Variants in TBX15 observed in about 807,000 individuals in gnomAD.
TBX15 encodes T-box transcription factor TBX15.
TBX15 carries 18 observed loss-of-function variants against 53.9 expected under a neutral mutation model. The ratio of observed to expected loss-of-function variants is 0.33; its 90% CI spans 0.23 to 0.49. TBX15 has a LOEUF of 0.49. Among genes scored for constraint, TBX15 ranks in the 20% least tolerant of loss-of-function variants. The probability of loss-of-function intolerance (pLI) is 0.98; values close to 1 mark genes in which losing one functional copy is unlikely to be tolerated. For synonymous variants in TBX15, 295 were observed against 278.0 expected, an observed-to-expected ratio of 1.06 and a Z score of -0.61; for missense variants, 692 against 749.5, an observed-to-expected ratio of 0.92 and a Z score of 0.90.
intron 1 of TBX15, 101 bp from the exon 2 acceptor site, chr1:118,931,933 G>C (rs921845452): frequency 1.7e-6 from 2 of 1,176,940 alleles, no homozygotes; most frequent in African/African-American, 1.5e-5. Context: ...GTGGGGAGAG[G>C]GGTAAACAAA....
At chr1:118,917,829 C>T (rs1655297115) in intron 5 of TBX15, among the ~76,000 whole-genome samples, 1 of 152,146 alleles carries the variant, frequency 6.6e-6, no homozygotes, top group African/African-American at 2.4e-5. Context: ...CACTACCGCT[C>T]AGAATTTAAT....
intron 3 of TBX15, among the ~76,000 whole-genome samples, chr1:118,925,554 T>A (rs1181720084): frequency 1.3e-5 from 2 of 152,214 alleles, no homozygotes; most frequent in African/African-American, 2.4e-5. Context: ...ACTTTGCCAA[T>A]TTTCTCATAG....
intron 1 of TBX15, among the ~76,000 whole-genome samples, chr1:118,952,602 G>A (rs138558506): frequency 2.9e-4 from 44 of 152,222 alleles, no homozygotes; most frequent in African/African-American, 1.0e-3. Context: ...AGTTCCCGAT[G>A]TCTAATCCCT....
upstream of TBX15, chr1:118,989,491 C>G (rs1234393884): frequency 1.3e-5 from 2 of 152,172 alleles, no homozygotes; most frequent in Non-Finnish European, 2.9e-5. Flanking sequence ...CTAGACACAG[C>G]CCGATCTTCC....
chr1:118,922,964 G>A (rs1779435), intron 5 of TBX15, among the ~76,000 whole-genome samples: 137,528 of 151,994 alleles, frequency 0.9, 62,478 homozygotes, highest in African/African-American at 0.98. Context: ...GTATTCTTAG[G>A]AAAGTCTATA....
At chr1:118,942,032 C>T (rs1291910958) in intron 1 of TBX15, among the ~76,000 whole-genome samples, 1 of 152,114 alleles carries the variant, frequency 6.6e-6, no homozygotes, top group African/African-American at 2.4e-5. Context: ...TCCAGACATA[C>T]GAATGCTAAT....
intron 5 of TBX15, among the ~76,000 whole-genome samples, chr1:118,914,879 A>C (rs1655148396): frequency 6.6e-6 from 1 of 152,190 alleles, no homozygotes; most frequent in South Asian, 2.1e-4. Flanking sequence ...ATCAGAAACA[A>C]AGAGCCAGTT....
chr1:118,914,008 G>C (rs945162576), intron 6 of TBX15, 107 bp downstream of exon 6: 1 of 1,083,990 alleles, frequency 9.2e-7, no homozygotes. Context: ...ACACAGTGGC[G>C]GAGCATACAG....
At position 118,987,932 on chromosome 1, in the gene TBX15, G is replaced by C. The variant is rs932554782; in HGVS notation, c.-137C>G. 58 of 1,086,970 alleles carry C rather than the reference G, an allele frequency of 5.3e-5. No homozygotes were observed. Among genetic ancestry groups the C allele is most frequent in the Admixed American group, 9.5e-5 (4 of 41,886 alleles). The allele number at this position is 1,086,970 out of a possible 1,614,324, so 67.3% of individuals were successfully genotyped here. A position where few individuals can be genotyped will look rare whatever the true frequency, so the allele number is the denominator to read the frequency against. ...GGACGAGGCTGAGACTGCGGCTCGC[G>C]GGTCTCTCCACCCTCCCCCTGCGTC... On this transcript the variant is annotated 5_prime_UTR_variant, in exon 1 of 8. Coordinates refer to ENST00000369429, the MANE Select transcript of TBX15 (RefSeq NM_001330677.2).
chr1:118,898,121 T>C (rs1654490880), intron 7 of TBX15, among the ~76,000 whole-genome samples: 1 of 152,180 alleles, frequency 6.6e-6, no homozygotes, highest in Non-Finnish European at 1.5e-5. Context: ...AAACTGGGTG[T>C]CAGAAAAGTT....
intron 7 of TBX15, among the ~76,000 whole-genome samples, chr1:118,893,647 G>C (rs1333541373): frequency 6.6e-6 from 1 of 151,830 alleles, no homozygotes; most frequent in East Asian, 1.9e-4. Flanking sequence ...GAAAGAAAGG[G>C]AGGGAGGGAA....
intron 1 of TBX15, among the ~76,000 whole-genome samples, chr1:118,971,259 C>T (rs1488578299): frequency 2.0e-5 from 3 of 152,196 alleles, no homozygotes; most frequent in Non-Finnish European, 4.4e-5. Flanking sequence ...TTTCTTTCTT[C>T]TCTAAGTCCA....
At position 118,987,818 on chromosome 1, in the gene TBX15, T is replaced by TCCGCTTGCCC. The variant is rs1557912514; in HGVS notation, c.-33_-24dup. ...CATTTTAGCCGCCCACACCCCTGCC[T>TCCGCTTGCCC]CCGCTTGCCCCCGCTACCGAGGGAG... On this transcript the variant is annotated 5_prime_UTR_variant, in exon 1 of 8. Transcript: ENST00000369429. 6.5e-7 allele frequency: 1 copy of TCCGCTTGCCC among 1,546,802 alleles called. No homozygotes were observed. The highest frequency in any genetic ancestry group is 1.2e-5 in the South Asian group (1 of 83,980).
rs114382299 is a variant in TBX15 at position 118,933,995 on chromosome 1, A to G, written c.206-2163T>C. Among the ~76,000 whole-genome samples the G allele has an allele frequency of 3.6e-3, 555 of 152,262 alleles. 5 individuals are homozygous for G. The highest frequency in any genetic ancestry group is 0.012 in the African/African-American group (518 of 41,552). On this transcript the variant is annotated intron_variant, in intron 1 of 7. Transcript: ENST00000369429. The stretch of plus-strand genomic sequence containing the variant: ...AGGGAAGGAAAGGTATCACTACACT[A>G]AGAGATAAGTATTAATGGTAGCTAA...
At position 118,926,516 on chromosome 1, in the gene TBX15, C is replaced by A; in HGVS notation, c.515G>T (p.Arg172Ile). The A allele has an allele frequency of 6.2e-7, 1 of 1,613,210 alleles. No individual in the cohort carries two copies. The highest frequency in any genetic ancestry group is 8.5e-7 in the Non-Finnish European group (1 of 1,179,364). The change falls in exon 3 of 8, where the codon AGA becomes ATA. Residue 172 changes from arginine to isoleucine, a missense_variant. By Grantham distance (97) the Arg-to-Ile change is moderately conservative. Coordinates refer to ENST00000369429, the MANE Select transcript of TBX15 (RefSeq NM_001330677.2). ...AMDIVPVDNK[R>I]YRYVYHSSKW... The stretch of plus-strand genomic sequence containing the variant: ...ATCCCAGAGTTATTGTTACCTGTAT[C>A]TTTTATTGTCCACAGGCACAATGTC...
chr1:118,984,313 C>G (rs1048535101), intron 1 of TBX15, among the ~76,000 whole-genome samples: 2 of 152,214 alleles, frequency 1.3e-5, no homozygotes, highest in Non-Finnish European at 2.9e-5. Context: ...TGTGGCCCGG[C>G]CCGAAGTTTC....
chr1:118,917,134 C>T lies in TBX15; in HGVS notation c.862-2955G>A, dbSNP rs142495963. On this transcript the variant is annotated intron_variant, in intron 5 of 7. Coordinates refer to ENST00000369429, the MANE Select transcript of TBX15 (RefSeq NM_001330677.2). ...ATATGCATGTGTATGTTCATTGTAG[C>T]ACTATTCACAATAACAAAGACGTGG... Among the ~76,000 whole-genome samples, 721 of 152,190 alleles carry T rather than the reference C, an allele frequency of 4.7e-3. 6 individuals are homozygous for T. The highest frequency in any genetic ancestry group is 0.017 in the African/African-American group (692 of 41,520).
At chr1:118,970,269 C>T (rs1281301382) in intron 1 of TBX15, among the ~76,000 whole-genome samples, 1 of 152,198 alleles carries the variant, frequency 6.6e-6, no homozygotes, top group African/African-American at 2.4e-5. Context: ...GTTTGGCCCT[C>T]CACACCTGTC....
intron 1 of TBX15, among the ~76,000 whole-genome samples, chr1:118,981,375 C>CAAT (rs1308251667): frequency 6.6e-6 from 1 of 151,492 alleles, no homozygotes; most frequent in Non-Finnish European, 1.5e-5. Context: ...TGTCTACATC[C>CAAT]AATTCAGAAC....
Sources: gnomAD v4.1 joint callset for allele counts (sites outside exome capture counted in the v4.1 genomes callset) on GRCh38, gnomAD v4.1.1 for gene constraint, MANE v1.5 for transcripts, NCBI Gene and HGNC (gene_info 2026-07-23, HGNC 2026-07-21) for gene names.